Variants in CCDC42 observed in about 807,000 individuals in gnomAD.
CCDC42 encodes the protein coiled-coil domain-containing protein 42.
Under a neutral mutation model 40.8 loss-of-function variants are expected in CCDC42, and 38 were observed. The ratio of observed to expected loss-of-function variants is 0.93; its 90% CI spans 0.72 to 1.22. The LOEUF (loss-of-function observed/expected upper bound fraction) is 1.22, where lower values mean the gene tolerates loss of function less well. Ranked by LOEUF, CCDC42 falls within the 50% of genes most tolerant of loss-of-function variation. The probability of loss-of-function intolerance (pLI) is 0.00; values close to 1 mark genes in which losing one functional copy is unlikely to be tolerated. For missense variants in CCDC42, 379 were observed against 416.5 expected (o/e 0.91, Z 0.78); for synonymous variants, 135 against 157.5 (o/e 0.86, Z 1.07).
chr17:8,733,444 G>A (rs1490853118), intron 6 of CCDC42, among the ~76,000 whole-genome samples: 1 of 152,214 alleles, frequency 6.6e-6, no homozygotes, highest in Non-Finnish European at 1.5e-5. Context: ...AGAAGCCATG[G>A]TCTCAGCAGG....
At position 8,741,672 on chromosome 17, in the gene CCDC42, C is replaced by T; in HGVS notation, c.295-1G>A. 1 of 1,611,894 alleles carries T rather than the reference C, an allele frequency of 6.2e-7. No individual in the cohort carries two copies. The highest frequency in any genetic ancestry group is 8.5e-7 in the Non-Finnish European group (1 of 1,179,658). ...CGCGGATCCGTTTCTGGTCGTTCTC[C>T]TGGGGCCCGGGGAGGTGGCGCTGGT... On this transcript the variant is annotated splice_acceptor_variant, in intron 3 of 6. Transcript: ENST00000293845. LOFTEE classifies it high-confidence loss of function.
intron 4 of CCDC42, among the ~76,000 whole-genome samples, chr17:8,740,789 G>T (rs968740592): frequency 3.9e-5 from 6 of 152,140 alleles, no homozygotes; most frequent in Non-Finnish European, 5.9e-5. Flanking sequence ...CTGAGGAGTG[G>T]CTAAAAGCAA....
intron 4 of CCDC42, among the ~76,000 whole-genome samples, chr17:8,740,207 A>G (rs1195390907): frequency 2.0e-5 from 3 of 152,092 alleles, no homozygotes; most frequent in Non-Finnish European, 4.4e-5. Context: ...ATTGCTAAGA[A>G]GAAAAGTGGA....
chr17:8,740,223 G>A (rs1319250266), intron 4 of CCDC42, among the ~76,000 whole-genome samples: 2 of 151,962 alleles, frequency 1.3e-5, no homozygotes, highest in Non-Finnish European at 2.9e-5. Flanking sequence ...GTGGAGGATC[G>A]CTCACGCCTG....
Position 8,729,960 on chromosome 17 carries a change from A to G in CCDC42, c.*170T>C. 1 of 621,566 alleles carries G rather than the reference A, an allele frequency of 1.6e-6. No individual in the cohort carries two copies. The highest frequency in any genetic ancestry group is 1.8e-5 in the South Asian group (1 of 55,748). The allele number at this position is 621,566 out of a possible 1,614,324, so 38.5% of individuals were successfully genotyped here. ...AACTTGAGAACAAACTTCATATAAC[A>G]TTCACTGTTTTCAGGGATAGAGTGA... On this transcript the variant is annotated 3_prime_UTR_variant, in exon 7 of 7. Coordinates refer to ENST00000293845, the MANE Select transcript of CCDC42 (RefSeq NM_144681.3).
At chr17:8,739,173 G>C (rs1568052827) in intron 4 of CCDC42, among the ~76,000 whole-genome samples, 1 of 152,144 alleles carries the variant, frequency 6.6e-6, no homozygotes, top group Non-Finnish European at 1.5e-5. Flanking sequence ...CGCCAGAGTT[G>C]AACTCCAGAC....
chr17:8,741,420 A>G, intron 4 of CCDC42, 54 bp downstream of exon 4: 2 of 1,540,378 alleles, frequency 1.3e-6, no homozygotes, highest in Non-Finnish European at 1.8e-6. Flanking sequence ...CCCGGGGAAG[A>G]GAGGTGGGGC....
intron 6 of CCDC42, among the ~76,000 whole-genome samples, chr17:8,730,674 T>C (rs1032361526): frequency 6.6e-6 from 1 of 152,134 alleles, no homozygotes; most frequent in Non-Finnish European, 1.5e-5. Flanking sequence ...CTTTCTCTCA[T>C]TTGACAATGT....
intron 4 of CCDC42, among the ~76,000 whole-genome samples, chr17:8,739,771 G>C (rs1413774481): frequency 1.3e-5 from 2 of 152,146 alleles, no homozygotes; most frequent in Non-Finnish European, 2.9e-5. Flanking sequence ...TTGAACTCCT[G>C]ACCTCAGGTG....
chr17:8,743,826 C>A, intron 2 of CCDC42, 96 bp from the exon 3 acceptor site: 1 of 795,830 alleles, frequency 1.3e-6, no homozygotes. Flanking sequence ...GGCTCCATCC[C>A]CAGGCCCAAG....
At chr17:8,731,670 T>A (rs1213620188) in intron 6 of CCDC42, among the ~76,000 whole-genome samples, 1 of 152,146 alleles carries the variant, frequency 6.6e-6, no homozygotes, top group East Asian at 1.9e-4. Context: ...AAATACTGAG[T>A]GTTCTCACTT....
chr17:8,733,852 G>A (rs894502176), intron 6 of CCDC42, among the ~76,000 whole-genome samples: 5 of 152,188 alleles, frequency 3.3e-5, no homozygotes, highest in African/African-American at 1.2e-4. Flanking sequence ...GGGAGGCTGA[G>A]GGGAGGGGGC....
intron 3 of CCDC42, among the ~76,000 whole-genome samples, chr17:8,742,340 C>A (rs1340352723): frequency 1.3e-5 from 2 of 152,180 alleles, no homozygotes; most frequent in Non-Finnish European, 2.9e-5. Context: ...GTGCCTGGTG[C>A]CATAGGGCCT....
At chr17:8,731,269 G>A (rs2086578269) in intron 6 of CCDC42, among the ~76,000 whole-genome samples, 1 of 152,214 alleles carries the variant, frequency 6.6e-6, no homozygotes, top group Non-Finnish European at 1.5e-5. Context: ...ATGCTGCTGA[G>A]GTTGTGGAGA....
rs2086601425 is a variant in CCDC42, at chr17:8,735,065, C to T, written c.873+31G>A. On this transcript the variant is annotated intron_variant, in intron 6 of 6. Coordinates refer to ENST00000293845, the MANE Select transcript of CCDC42 (RefSeq NM_144681.3). The surrounding 1 kb of genome is among the most constrained non-coding windows in gnomAD (Gnocchi z 4.7). ...GCAACCTCCTCGGCCCAGCCGACCC[C>T]ACGGGCCCAGTGCCTGTCCCCTCCT... 1 of 1,612,322 alleles carries T rather than the reference C, an allele frequency of 6.2e-7. No individual in the cohort carries two copies. The highest frequency in any genetic ancestry group is 1.3e-5 in the African/African-American group (1 of 74,910).
chr17:8,732,571 C>T (rs1316828307), intron 6 of CCDC42, among the ~76,000 whole-genome samples: 6 of 152,166 alleles, frequency 3.9e-5, no homozygotes, highest in African/African-American at 1.4e-4. Context: ...TCAGCGTTTC[C>T]TGAGCTATGT....
chr17:8,742,903 A>C (rs1023678727), intron 3 of CCDC42, among the ~76,000 whole-genome samples: 5 of 152,174 alleles, frequency 3.3e-5, no homozygotes, highest in African/African-American at 1.2e-4. Context: ...CAACCACTCC[A>C]TAAGTGTTTC....
In CCDC42 at chr17:8,735,557, G is replaced by C; in HGVS notation, c.547C>G (p.His183Asp). 2 of 1,614,120 alleles carry C rather than the reference G, an allele frequency of 1.2e-6. No homozygotes were observed. Among genetic ancestry groups the C allele is most frequent in the South Asian group, 2.2e-5 (2 of 91,080 alleles). ...ARYKTLVSMR[H>D]DLMQSAQEGQ... ...TCCTGCGCAGACTGCATGAGGTCGT[G>C]GCGCATGCTCACCAGCGTCTTGTAG... The change falls in exon 5 of 7, where the codon CAC (histidine) becomes GAC (aspartate). Residue 183 changes from histidine to aspartate, a missense_variant. Coordinates refer to ENST00000293845, the MANE Select transcript of CCDC42 (RefSeq NM_144681.3). The surrounding 1 kb of genome is among the most constrained non-coding windows in gnomAD (Gnocchi z 4.7).
At chr17:8,741,049 C>G (rs185444774) in intron 4 of CCDC42, among the ~76,000 whole-genome samples, 13 of 152,162 alleles carry the variant, frequency 8.5e-5, no homozygotes, top group African/African-American at 2.9e-4. Context: ...CTCCAGTAAA[C>G]AGAAGACACT....
Sources: gnomAD v4.1 joint callset for allele counts (sites outside exome capture counted in the v4.1 genomes callset) on GRCh38, gnomAD v4.1.1 for gene constraint, Gnocchi (gnomAD v3.1) non-coding constraint, MANE v1.5 for transcripts, NCBI Gene and HGNC (gene_info 2026-07-23, HGNC 2026-07-21) for gene names.